The following PON2 variants were observed in gnomAD, a reference collection of about 807,000 sequenced individuals.
The protein encoded by PON2 is serum paraoxonase/arylesterase 2.
Under a neutral mutation model 36.6 loss-of-function variants are expected in PON2, and 27 were observed. The observed-to-expected ratio is 0.74, with a 90% confidence interval of 0.54 to 1.02. The LOEUF (loss-of-function observed/expected upper bound fraction) is 1.02, where lower values mean the gene tolerates loss of function less well. Among genes scored for constraint, PON2 ranks in the 50% least tolerant of loss-of-function variants. The pLI is 0.00. For missense variants in PON2, 363 were observed against 421.1 expected (o/e 0.86, Z 1.21); for synonymous variants, 149 against 156.3 (o/e 0.95, Z 0.35).
chr7:95,411,864 A>AAGG, intron 4 of PON2, 85 bp from the exon 5 acceptor site: 1 of 1,431,210 alleles, frequency 7.0e-7, no homozygotes, highest in Middle Eastern at 2.4e-4. Context: ...TACCACAGGC[A>AAGG]AGGAAAGGTT....
Position 95,417,690 on chromosome 7 carries a change from GACACAC to G in PON2, c.146-1399_146-1394del, listed in dbSNP as rs555142509. 6.1e-4 allele frequency among the ~76,000 whole-genome samples: 57 copies of G among 93,874 alleles called. 1 individual carries two copies. In the South Asian group the frequency reaches 7.7e-3, roughly 13 times the overall value. The allele number at this position is 93,874 out of a possible 152,430, so 61.6% of individuals were successfully genotyped here. ...CACAGCACATACACATGTACACACA[GACACAC>G]ACACACACACACACACACACACACA... is the stretch of plus-strand genomic sequence containing the variant. On this transcript the variant is annotated intron_variant, in intron 2 of 8. Coordinates refer to ENST00000222572, the MANE Select transcript of PON2 (RefSeq NM_000305.3).
At chr7:95,423,905 A>T (rs1459306902) in intron 2 of PON2, among the ~76,000 whole-genome samples, 1 of 152,150 alleles carries the variant, frequency 6.6e-6, no homozygotes, top group Non-Finnish European at 1.5e-5. Flanking sequence ...AAAAGGGGGA[A>T]AAGCCCTTAT....
chr7:95,426,400 T>G (rs188522871), intron 1 of PON2, among the ~76,000 whole-genome samples: 1 of 152,344 alleles, frequency 6.6e-6, no homozygotes, highest in Admixed American at 6.5e-5. Flanking sequence ...CTGTTCTAAG[T>G]GATTTACCTC....
intron 1 of PON2, among the ~76,000 whole-genome samples, chr7:95,432,511 T>A (rs1301323965): frequency 6.6e-6 from 1 of 152,196 alleles, no homozygotes; most frequent in Non-Finnish European, 1.5e-5. Flanking sequence ...CTTTTTTTTT[T>A]AGATTTGCAG....
chr7:95,416,826 T>C (rs1279541772), intron 2 of PON2, among the ~76,000 whole-genome samples: 1 of 152,214 alleles, frequency 6.6e-6, no homozygotes, highest in Non-Finnish European at 1.5e-5. Flanking sequence ...ATTTAATCTT[T>C]AAATTTAGGC....
Position 95,416,307 on chromosome 7 carries a change from T to G in PON2, c.146-10A>C, listed in dbSNP as rs766761814. The G allele has an allele frequency of 6.2e-7, 1 of 1,613,334 alleles. No homozygotes were observed. The highest frequency in any genetic ancestry group is 1.7e-5 in the Admixed American group (1 of 60,028). On this transcript the variant is annotated splice_polypyrimidine_tract_variant and intron_variant, in intron 2 of 8. Transcript: ENST00000222572. The stretch of plus-strand genomic sequence containing the variant: ...TCTTCAGAGCCAGCTTCTGTAAGTT[T>G]AAGGAACAGATAAATGTCATGTTCA...
At chr7:95,428,340 C>G (rs1789362394) in intron 1 of PON2, among the ~76,000 whole-genome samples, 1 of 152,138 alleles carries the variant, frequency 6.6e-6, no homozygotes, top group Non-Finnish European at 1.5e-5. Flanking sequence ...CCCCAAGTGA[C>G]CCCTATGGAG....
At chr7:95,407,686 A>G (rs1030382624) in intron 6 of PON2, among the ~76,000 whole-genome samples, 2 of 152,208 alleles carry the variant, frequency 1.3e-5, no homozygotes, top group Non-Finnish European at 2.9e-5. Context: ...GTTGCAGCAG[A>G]TATAAACATG....
At chr7:95,409,619 A>G (rs1008334426) in intron 6 of PON2, 2 of 151,558 alleles carry the variant, frequency 1.3e-5, no homozygotes, top group Admixed American at 1.3e-4. Flanking sequence ...ACAATGATGT[A>G]TTCCAAACTT....
intron 1 of PON2, among the ~76,000 whole-genome samples, chr7:95,428,710 T>G (rs1208863098): frequency 6.6e-6 from 1 of 152,206 alleles, no homozygotes; most frequent in Non-Finnish European, 1.5e-5. Flanking sequence ...TGGTTTCCTG[T>G]GTAATCCTAT....
intron 2 of PON2, chr7:95,416,524 CAAGTT>C (rs1164516156): frequency 1.8e-6 from 1 of 564,590 alleles, no homozygotes; most frequent in Admixed American, 3.0e-5. Flanking sequence ...AAATCAAAGT[CAAGTT>C]ATCACCACAT....
chr7:95,410,110 GA>G lies in PON2; in HGVS notation c.495-10del. 1 of 1,609,814 alleles carries G rather than the reference GA, an allele frequency of 6.2e-7. No homozygotes were observed. The highest frequency in any genetic ancestry group is 8.5e-7 in the Non-Finnish European group (1 of 1,176,726). On this transcript the variant is annotated splice_polypyrimidine_tract_variant and intron_variant, in intron 5 of 8. Transcript: ENST00000222572. ...CTGTGATGTCATTCACACTGAAAAA[GA>G]AAAATAGCATGTGAGAGGAAACAAA...
At position 95,411,780 on chromosome 7, in the gene PON2, C is replaced by T. The variant is rs1197001325; in HGVS notation, c.368-1G>A. 2 of 1,613,366 alleles carry T rather than the reference C, an allele frequency of 1.2e-6. No individual in the cohort carries two copies. Among genetic ancestry groups the T allele is most frequent in the East Asian group, 4.5e-5 (2 of 44,852 alleles). On this transcript the variant is annotated splice_acceptor_variant, in intron 4 of 8. Coordinates refer to ENST00000222572, the MANE Select transcript of PON2 (RefSeq NM_000305.3). LOFTEE classifies it high-confidence loss of function. ...ACAACAAAGAGATAAACTGTGTCAT[C>T]TAAAGAATTGAAAGAACAGAGTTAA...
At chr7:95,427,678 A>T (rs867303127) in intron 1 of PON2, among the ~76,000 whole-genome samples, 4 of 152,204 alleles carry the variant, frequency 2.6e-5, no homozygotes, top group South Asian at 2.1e-4. Context: ...AACAAGCTCT[A>T]TATTGGGTCA....
rs2116447689 is a variant in PON2, at chr7:95,406,177, C to G, written c.848G>C (p.Cys283Ser). 1.2e-6 allele frequency: 2 copies of G among 1,613,358 alleles called. No homozygotes were observed. The highest frequency in any genetic ancestry group is 1.7e-4 in the Middle Eastern group (1 of 6,058). Residue 283 changes from cysteine to serine, a missense_variant, in exon 8 of 9, where the codon TGT (cysteine) becomes TCT (serine). Coordinates refer to ENST00000222572, the MANE Select transcript of PON2 (RefSeq NM_000305.3). ...GAAGAGCTTCTGGCCATTAGGATGA[C>G]AGCCTACCCAGATGTCCCCCGAGGA... ...DPSSGDIWVG[C>S]HPNGQKLFVY...
intron 6 of PON2, chr7:95,409,555 T>G (rs1029784812): frequency 6.6e-6 from 1 of 152,000 alleles, no homozygotes; most frequent in African/African-American, 2.4e-5. Context: ...TACTTCAATA[T>G]GTATGCATCA....
intron 7 of PON2, among the ~76,000 whole-genome samples, chr7:95,406,554 T>C (rs1002127168): frequency 1.3e-5 from 2 of 152,162 alleles, no homozygotes; most frequent in Non-Finnish European, 1.5e-5. Flanking sequence ...CAAAGCAAGA[T>C]AGGAAATTCT....
At chr7:95,405,586 G>A (rs896284438) in intron 8 of PON2, 98 bp from the exon 9 acceptor site, 1 of 1,183,582 alleles carries the variant, frequency 8.4e-7, no homozygotes, top group Non-Finnish European at 1.3e-6. Flanking sequence ...CACTGATTAA[G>A]GGGACATGCT....
intron 6 of PON2, 68 bp from the exon 7 acceptor site, chr7:95,407,136 G>T: frequency 9.6e-7 from 1 of 1,039,636 alleles, no homozygotes; most frequent in Non-Finnish European, 1.5e-6. Flanking sequence ...CAGTGTGAAA[G>T]AATAAGTCTT....
Sources: allele counts gnomAD v4.1 joint callset (sites outside exome capture counted in the v4.1 genomes callset), GRCh38; gene constraint gnomAD v4.1.1; transcripts MANE v1.5; gene names NCBI Gene and HGNC (gene_info 2026-07-23, HGNC 2026-07-21).